Variants in TENM3 observed in about 807,000 individuals in gnomAD.
TENM3 encodes the protein teneurin-3.
In TENM3, 63 loss-of-function variants were observed where a neutral mutation model predicts 255.1. The ratio of observed to expected loss-of-function variants is 0.25; its 90% CI spans 0.20 to 0.30. The LOEUF (loss-of-function observed/expected upper bound fraction) is 0.30, where lower values mean the gene tolerates loss of function less well. Ranked by LOEUF, TENM3 falls within the 10% of genes least tolerant of loss-of-function variation. The pLI is 1.00. For missense variants in TENM3, 2,929 were observed against 3,461.1 expected (o/e 0.85, Z 3.86); for synonymous variants, 1,306 against 1,322.3 (o/e 0.99, Z 0.27).
the TENM3 span, among the ~76,000 whole-genome samples, chr4:181,710,401 A>G: frequency 4.6e-5 from 7 of 152,112 alleles, no homozygotes; most frequent in Non-Finnish European, 8.8e-5. Context: ...GGCCACATGA[A>G]GGTATTCCTG....
the TENM3 span, among the ~76,000 whole-genome samples, chr4:181,522,421 A>C: frequency 6.6e-6 from 1 of 152,208 alleles, no homozygotes; most frequent in African/African-American, 2.4e-5. Flanking sequence ...TTCACCAAGC[A>C]GATCCTCCAG....
chr4:182,680,428 A>G (rs1756063763), intron 9 of TENM3, 79 bp downstream of exon 9: 5 of 956,582 alleles, frequency 5.2e-6, no homozygotes, highest in South Asian at 1.3e-5. Flanking sequence ...CTACCGAGAC[A>G]GGAAAGAAAG....
intron 3 of TENM3, among the ~76,000 whole-genome samples, chr4:182,528,206 C>T (rs1328508167): frequency 6.6e-6 from 1 of 152,160 alleles, no homozygotes; most frequent in Non-Finnish European, 1.5e-5. Context: ...CAACCTCCTC[C>T]TCCTGGGTTC....
At chr4:182,322,132 CT>C (rs1763092622) in intron 1 of TENM3, among the ~76,000 whole-genome samples, 1 of 151,886 alleles carries the variant, frequency 6.6e-6, no homozygotes, top group African/African-American at 2.4e-5. Flanking sequence ...CTCTTAAGAG[CT>C]ATTGGAAGAA....
At chr4:181,969,323 A>C in the TENM3 span, among the ~76,000 whole-genome samples, 2 of 152,334 alleles carry the variant, frequency 1.3e-5, no homozygotes, top group African/African-American at 4.8e-5. Flanking sequence ...AAGATGTTAC[A>C]GTTAGCCAGC....
the TENM3 span, among the ~76,000 whole-genome samples, chr4:181,636,753 G>T: frequency 2.0e-5 from 3 of 152,144 alleles, no homozygotes; most frequent in Admixed American, 2.0e-4. Flanking sequence ...TTCCCTCTTC[G>T]GTTTATCCTC....
intron 3 of TENM3, among the ~76,000 whole-genome samples, chr4:182,371,331 A>G (rs1371653823): frequency 6.6e-6 from 1 of 151,966 alleles, no homozygotes; most frequent in Non-Finnish European, 1.5e-5. Flanking sequence ...AATGATAATA[A>G]CACCCTATTT....
chr4:182,529,895 T>G (rs1321426191), intron 3 of TENM3, among the ~76,000 whole-genome samples: 2 of 152,220 alleles, frequency 1.3e-5, no homozygotes, highest in Non-Finnish European at 2.9e-5. Flanking sequence ...TAAATTGGGC[T>G]CTAGTGAGGA....
the TENM3 span, among the ~76,000 whole-genome samples, chr4:181,823,329 A>G: frequency 0.012 from 1,763 of 152,026 alleles, 39 homozygotes; most frequent in African/African-American, 0.04. Flanking sequence ...TCCACTTCCT[A>G]TTCCCCTGCT....
At chr4:181,641,358 G>A in the TENM3 span, among the ~76,000 whole-genome samples, 23 of 151,032 alleles carry the variant, frequency 1.5e-4, no homozygotes, top group Non-Finnish European at 1.9e-4. Context: ...GGCAGGGCCC[G>A]GTGTGTGACG....
chr4:182,390,169 T>G (rs368034052), intron 3 of TENM3, among the ~76,000 whole-genome samples: 70 of 152,300 alleles, frequency 4.6e-4, no homozygotes, highest in African/African-American at 1.6e-3. Context: ...AGCCAGCTGT[T>G]CCTTAGTTCA....
At chr4:182,651,109 A>G (rs1048313787) in intron 5 of TENM3, among the ~76,000 whole-genome samples, 5 of 152,068 alleles carry the variant, frequency 3.3e-5, no homozygotes, top group African/African-American at 9.7e-5. Context: ...AAAAGATCAC[A>G]ATGATGACAA....
At chr4:182,477,904 C>G (rs1733830478) in intron 3 of TENM3, among the ~76,000 whole-genome samples, 1 of 152,034 alleles carries the variant, frequency 6.6e-6, no homozygotes, top group Non-Finnish European at 1.5e-5. Context: ...TGCAGATGCT[C>G]TGGAAAATAC....
the TENM3 span, among the ~76,000 whole-genome samples, chr4:181,862,076 T>C: frequency 1.3e-5 from 2 of 152,148 alleles, no homozygotes; most frequent in Non-Finnish European, 2.9e-5. Context: ...GTGTTAACGT[T>C]TAAGACGTGT....
the TENM3 span, among the ~76,000 whole-genome samples, chr4:181,633,372 C>T: frequency 5.3e-5 from 8 of 152,108 alleles, no homozygotes; most frequent in East Asian, 1.9e-4. Context: ...AAATGAGCTG[C>T]GGTATACAAG....
chr4:182,427,091 T>C (rs1025543678), intron 3 of TENM3, among the ~76,000 whole-genome samples: 1 of 152,204 alleles, frequency 6.6e-6, no homozygotes, highest in African/African-American at 2.4e-5. Flanking sequence ...CTCACAATAA[T>C]GACTTTTTGG....
At chr4:181,780,222 A>T in the TENM3 span, among the ~76,000 whole-genome samples, 2 of 152,236 alleles carry the variant, frequency 1.3e-5, no homozygotes, top group African/African-American at 4.8e-5. Flanking sequence ...ACTGTCTTCC[A>T]CAATGGTTGA....
intron 3 of TENM3, among the ~76,000 whole-genome samples, chr4:182,514,688 G>A (rs924724529): frequency 4.6e-5 from 7 of 151,984 alleles, no homozygotes; most frequent in African/African-American, 1.7e-4. Context: ...CCACTAAATT[G>A]AGTTCATGAA....
In TENM3 at chr4:182,802,690, C is replaced by G. The variant is rs1344720842; in HGVS notation, c.*2339C>G. ...GTGTCCTGTTAGTAGGTATAATGAG[C>G]CTATTTCTTTCTAAAAAGACTTGTG... is the stretch of plus-strand genomic sequence containing the variant. On this transcript the variant is annotated 3_prime_UTR_variant, in exon 28 of 28. Transcript: ENST00000511685. The G allele has an allele frequency of 6.6e-6, 1 of 152,220 alleles. No individual in the cohort carries two copies. The highest frequency in any genetic ancestry group is 2.1e-4 in the South Asian group (1 of 4,814). The allele number at this position is 152,220 out of a possible 1,614,324, so 9.4% of individuals were successfully genotyped here.
Sources: gnomAD v4.1 joint callset for allele counts (sites outside exome capture counted in the v4.1 genomes callset) on GRCh38, gnomAD v4.1.1 for gene constraint, MANE v1.5 for transcripts, NCBI Gene and HGNC (gene_info 2026-07-23, HGNC 2026-07-21) for gene names.